Variants in MEGF10 observed in about 807,000 individuals in gnomAD.
The protein encoded by MEGF10 is multiple epidermal growth factor-like domains protein 10.
Under a neutral mutation model 147.5 loss-of-function variants are expected in MEGF10, and 86 were observed. The observed-to-expected ratio is 0.58, with a 90% confidence interval of 0.49 to 0.70. The LOEUF (loss-of-function observed/expected upper bound fraction) is 0.70. Ranked by LOEUF, MEGF10 falls within the 30% of genes least tolerant of loss-of-function variation. MEGF10 has a pLI of 0.00. For missense variants in MEGF10, 1,329 were observed against 1,487.3 expected (o/e 0.89, Z 1.75); for synonymous variants, 478 against 525.5 (o/e 0.91, Z 1.24).
the MEGF10 span, among the ~76,000 whole-genome samples, chr5:127,241,663 T>G: frequency 6.6e-6 from 1 of 152,180 alleles, no homozygotes; most frequent in Non-Finnish European, 1.5e-5. Context: ...AAAGTAATTG[T>G]GGTTTTAGCC....
intron 20 of MEGF10, 27 bp from the exon 21 acceptor site, chr5:127,447,530 C>A: frequency 6.2e-7 from 1 of 1,613,762 alleles, no homozygotes; most frequent in Non-Finnish European, 8.5e-7. Context: ...AGCCTGCTGC[C>A]TTAACCATTT....
At chr5:127,372,115 T>G (rs1177360426) in intron 5 of MEGF10, among the ~76,000 whole-genome samples, 1 of 152,160 alleles carries the variant, frequency 6.6e-6, no homozygotes. Context: ...TTAGCAAAAT[T>G]TAAATGGCCT....
intron 11 of MEGF10, 52 bp downstream of exon 11, chr5:127,419,292 A>G (rs2126971198): frequency 1.3e-6 from 2 of 1,567,398 alleles, no homozygotes; most frequent in Non-Finnish European, 1.7e-6. Flanking sequence ...GTTATCTCCT[A>G]AAGACACAAA....
the MEGF10 span, among the ~76,000 whole-genome samples, chr5:127,277,708 A>T: frequency 6.6e-6 from 1 of 152,196 alleles, no homozygotes; most frequent in African/African-American, 2.4e-5. Flanking sequence ...AGGGGTAATG[A>T]TGAAGGTCTG....
chr5:127,332,817 A>G (rs1448730359), intron 2 of MEGF10, among the ~76,000 whole-genome samples: 2 of 152,206 alleles, frequency 1.3e-5, no homozygotes, highest in African/African-American at 2.4e-5. Context: ...CATTGGCTAC[A>G]TCAATGGGTA....
chr5:127,293,442 C>G (rs932511630), intron 1 of MEGF10, among the ~76,000 whole-genome samples: 87 of 152,076 alleles, frequency 5.7e-4, no homozygotes, highest in African/African-American at 2.1e-3. Flanking sequence ...CATTTTTGAC[C>G]TAAATAAATG....
At chr5:127,442,811 T>C (rs1765803428) in intron 18 of MEGF10, among the ~76,000 whole-genome samples, 187 bp from the exon 19 acceptor site, 1 of 152,200 alleles carries the variant, frequency 6.6e-6, no homozygotes, top group South Asian at 2.1e-4. Context: ...CTGTGCAGTC[T>C]GGACTGTGAG....
At chr5:127,363,146 T>C (rs934620973) in intron 4 of MEGF10, among the ~76,000 whole-genome samples, 8 of 152,332 alleles carry the variant, frequency 5.3e-5, no homozygotes, top group African/African-American at 1.9e-4. Context: ...TGAGTTCTTG[T>C]ATCTCCTCCT....
At chr5:127,434,873 G>A (rs1051374327) in intron 15 of MEGF10, 52 bp downstream of exon 15, 3 of 1,578,408 alleles carry the variant, frequency 1.9e-6, no homozygotes, top group African/African-American at 1.3e-5. Flanking sequence ...ACGCCCCGGA[G>A]AGTCTGTCCT....
At chr5:127,408,621 A>G (rs993615607) in intron 8 of MEGF10, among the ~76,000 whole-genome samples, 115 of 152,342 alleles carry the variant, frequency 7.5e-4, no homozygotes, top group African/African-American at 2.7e-3. Flanking sequence ...TATTAGGTCA[A>G]TTACTCCATA....
In MEGF10 at chr5:127,455,434, A is replaced by T. The variant is rs538482138; in HGVS notation, c.3059A>T (p.Asn1020Ile). The change falls in exon 24 of 25, where the codon AAC (asparagine) becomes ATC (isoleucine). Residue 1020 changes from asparagine to isoleucine, a missense_variant. Physicochemically the swap from Asn to Ile is moderately radical, Grantham distance 149. This residue lies in a region of MEGF10 where 343 missense variants were observed against 377.9 expected (regional missense o/e 0.91). Coordinates refer to ENST00000503335, the MANE Select transcript of MEGF10 (RefSeq NM_001256545.2). ...LGKNSEYNSS[N>I]CSLSSSENPY... ...AAGAATTCTGAATATAATTCAAGTAACTGCTCCCTAAGCAGTTCTGAGAAC... is the reference window on the plus strand; with the variant it reads ...AAGAATTCTGAATATAATTCAAGTATCTGCTCCCTAAGCAGTTCTGAGAAC... 2 of 1,614,122 alleles carry T rather than the reference A, an allele frequency of 1.2e-6. No individual in the cohort carries two copies. Among genetic ancestry groups the T allele is most frequent in the South Asian group, 1.1e-5 (1 of 91,068 alleles).
intron 13 of MEGF10, among the ~76,000 whole-genome samples, chr5:127,428,141 A>ATTTTTTTTT (rs66935934): frequency 3.0e-4 from 31 of 103,570 alleles, no homozygotes; most frequent in Non-Finnish European, 3.5e-4. Flanking sequence ...GGTGTCTGGT[A>ATTTTTTTTT]TTTTTTTTTT....
chr5:127,346,057 T>C (rs1463325523), intron 4 of MEGF10, among the ~76,000 whole-genome samples: 2 of 152,158 alleles, frequency 1.3e-5, no homozygotes, highest in Non-Finnish European at 2.9e-5. Context: ...TAGCATTCCA[T>C]GGTGTGTATG....
At chr5:127,287,481 C>T (rs1304507667), upstream of MEGF10, among the ~76,000 whole-genome samples, 1 of 151,836 alleles carries the variant, frequency 6.6e-6, no homozygotes, top group Non-Finnish European at 1.5e-5. Context: ...AAAATAATTC[C>T]ATTTATGAAA....
chr5:127,274,783 T>C, the MEGF10 span, among the ~76,000 whole-genome samples: 1 of 152,196 alleles, frequency 6.6e-6, no homozygotes, highest in South Asian at 2.1e-4. Context: ...TTTGATGTGA[T>C]GTATGAGATA....
At chr5:127,348,651 T>G (rs1761982683) in intron 4 of MEGF10, among the ~76,000 whole-genome samples, 2 of 152,184 alleles carry the variant, frequency 1.3e-5, no homozygotes, top group Admixed American at 1.3e-4. Flanking sequence ...TTTACTATAG[T>G]TATAAATCCA....
At chr5:127,436,275 A>G (rs751334640) in intron 16 of MEGF10, among the ~76,000 whole-genome samples, 1 of 152,204 alleles carries the variant, frequency 6.6e-6, no homozygotes, top group Non-Finnish European at 1.5e-5. Context: ...TTCAAACTTC[A>G]CAGTTACAAG....
At chr5:127,282,848 TC>T in the MEGF10 span, among the ~76,000 whole-genome samples, 1 of 152,188 alleles carries the variant, frequency 6.6e-6, no homozygotes. Context: ...CTAAGTTCAG[TC>T]AAATGAATGC....
At chr5:127,406,917 G>A (rs1042928850) in intron 8 of MEGF10, among the ~76,000 whole-genome samples, 11 of 152,138 alleles carry the variant, frequency 7.2e-5, no homozygotes, top group Non-Finnish European at 1.5e-4. Flanking sequence ...AGCCTATTAG[G>A]GGCCCATGCA....
Sources: allele counts gnomAD v4.1 joint callset (sites outside exome capture counted in the v4.1 genomes callset), GRCh38; gene constraint gnomAD v4.1.1; regional missense constraint gnomAD v4.1.1; transcripts MANE v1.5; gene names NCBI Gene and HGNC (gene_info 2026-07-23, HGNC 2026-07-21).